ROBO2: variants seen among roughly 807,000 people sequenced by gnomAD.
ROBO2 encodes roundabout homolog 2.
In ROBO2, 53 loss-of-function variants were observed where a neutral mutation model predicts 160.8. That is an observed-to-expected ratio of 0.33 (90% CI 0.26 to 0.41). The LOEUF is 0.41. ROBO2 is among the 10% of genes least tolerant of loss of function. The probability of loss-of-function intolerance (pLI) is 1.00; values close to 1 mark genes in which losing one functional copy is unlikely to be tolerated. For missense variants in ROBO2, 1,577 were observed against 1,722.4 expected (o/e 0.92, Z 1.49); for synonymous variants, 664 against 611.7 (o/e 1.09, Z -1.26).
Position 77,334,342 on chromosome 3 carries a change from C to T in ROBO2, c.389-143072C>T, listed in dbSNP as rs191527784. ...TGAATATCATCTTCAGTGACATCTTCGGTGTACCTGTCCTGGATTGCCTGT... is the reference window on the plus strand; with the variant it reads ...TGAATATCATCTTCAGTGACATCTTTGGTGTACCTGTCCTGGATTGCCTGT... On this transcript the variant is annotated intron_variant, in intron 2 of 25. Transcript: ENST00000461745. Among the ~76,000 whole-genome samples the T allele has an allele frequency of 2.1e-3, 317 of 152,306 alleles. 2 individuals are homozygous for T. The highest frequency in any genetic ancestry group is 6.9e-3 in the African/African-American group (288 of 41,578).
In ROBO2 at chr3:77,640,409, C is replaced by T. The variant is rs560658603; in HGVS notation, c.3935-4295C>T. Among the ~76,000 whole-genome samples the T allele has an allele frequency of 2.8e-3, 431 of 152,260 alleles. 4 individuals carry two copies. Among genetic ancestry groups the T allele is most frequent in the African/African-American group, 9.8e-3 (406 of 41,552 alleles). ...ATTTACAGGCGTGAGCCACTGCGCC[C>T]GGCCGCATATTTTATATAGGATGAT... On this transcript the variant is annotated intron_variant, in intron 24 of 25. Transcript: ENST00000461745.
chr3:76,584,334 C>CA (rs2085896126), intron 2 of ROBO2, among the ~76,000 whole-genome samples: 1 of 151,816 alleles, frequency 6.6e-6, no homozygotes, highest in Non-Finnish European at 1.5e-5. Context: ...GATTCCCCCC[C>CA]AGAATCATAT....
intron 2 of ROBO2, among the ~76,000 whole-genome samples, chr3:76,440,611 C>T (rs2076882994): frequency 2.0e-5 from 3 of 152,110 alleles, no homozygotes; most frequent in Admixed American, 2.0e-4. Context: ...CAGTGTAAAA[C>T]AATACCTCAC....
chr3:77,508,159 A>C (rs1239613943), intron 5 of ROBO2, among the ~76,000 whole-genome samples: 3 of 151,666 alleles, frequency 2.0e-5, no homozygotes, highest in Non-Finnish European at 4.4e-5. Flanking sequence ...AACTGCAGGG[A>C]GCTTCAATAA....
intron 2 of ROBO2, among the ~76,000 whole-genome samples, chr3:77,297,398 TA>T (rs2062242206): frequency 6.6e-6 from 1 of 152,150 alleles, no homozygotes; most frequent in Non-Finnish European, 1.5e-5. Context: ...AGACATGAAC[TA>T]GAGTCTCTTG....
At chr3:76,571,472 T>C (rs1257812587) in intron 2 of ROBO2, among the ~76,000 whole-genome samples, 1 of 152,110 alleles carries the variant, frequency 6.6e-6, no homozygotes, top group Non-Finnish European at 1.5e-5. Context: ...TATACCAAGA[T>C]ACTGAGAAAC....
At chr3:77,285,243 C>A (rs747995453) in intron 2 of ROBO2, among the ~76,000 whole-genome samples, 1 of 152,100 alleles carries the variant, frequency 6.6e-6, no homozygotes, top group Non-Finnish European at 1.5e-5. Context: ...TCTACGACTT[C>A]ATTGGCCAGA....
chr3:76,869,411 G>A (rs1360267130), intron 2 of ROBO2, among the ~76,000 whole-genome samples: 7 of 139,546 alleles, frequency 5.0e-5, no homozygotes, highest in African/African-American at 1.6e-4. Context: ...GTGCAGTGGC[G>A]CGATCTCGGC....
At chr3:77,337,107 A>G (rs957528908) in intron 2 of ROBO2, among the ~76,000 whole-genome samples, 3 of 152,224 alleles carry the variant, frequency 2.0e-5, no homozygotes. Flanking sequence ...TCTGTTAGGA[A>G]GAAATTAATT....
chr3:77,133,379 C>T (rs894849356), intron 2 of ROBO2, among the ~76,000 whole-genome samples: 4 of 152,126 alleles, frequency 2.6e-5, no homozygotes, highest in Non-Finnish European at 5.9e-5. Context: ...TGCATCATGC[C>T]TTTGTTAAAA....
chr3:76,854,059 T>TTTGTCTGC (rs2069749923), intron 2 of ROBO2, among the ~76,000 whole-genome samples: 1 of 86,668 alleles, frequency 1.2e-5, no homozygotes, highest in Non-Finnish European at 2.5e-5. Context: ...TCTCTCTCTC[T>TTTGTCTGC]CTCTCTCTTT....
chr3:76,378,309 T>A (rs1044994008), intron 2 of ROBO2, among the ~76,000 whole-genome samples: 2 of 152,178 alleles, frequency 1.3e-5, no homozygotes, highest in African/African-American at 4.8e-5. Flanking sequence ...TTATTTCAAA[T>A]GTTGTAGGAC....
At chr3:76,729,811 T>A (rs1052105673) in intron 2 of ROBO2, among the ~76,000 whole-genome samples, 1 of 152,032 alleles carries the variant, frequency 6.6e-6, no homozygotes, top group Non-Finnish European at 1.5e-5. Flanking sequence ...CTAATTTTTG[T>A]TTTTTTAGTA....
chr3:75,976,175 T>G (rs1439530001), intron 2 of ROBO2, among the ~76,000 whole-genome samples: 1 of 151,508 alleles, frequency 6.6e-6, no homozygotes, highest in Non-Finnish European at 1.5e-5. Context: ...TACCAAAAAT[T>G]TACATGTGAC....
At chr3:76,128,481 T>G (rs1474550334) in intron 2 of ROBO2, among the ~76,000 whole-genome samples, 1 of 152,152 alleles carries the variant, frequency 6.6e-6, no homozygotes, top group Non-Finnish European at 1.5e-5. Flanking sequence ...CAAAAGCTAC[T>G]TTGGGGAAAC....
chr3:76,553,849 G>C (rs1185328385), intron 2 of ROBO2, among the ~76,000 whole-genome samples: 2 of 152,112 alleles, frequency 1.3e-5, no homozygotes, highest in Middle Eastern at 3.2e-3. Flanking sequence ...TTGTGTATCA[G>C]CCCACCATAT....
intron 2 of ROBO2, among the ~76,000 whole-genome samples, chr3:76,405,443 C>T (rs2078073006): frequency 6.6e-6 from 1 of 151,610 alleles, no homozygotes; most frequent in South Asian, 2.1e-4. Flanking sequence ...AGTTAATTCC[C>T]TTGACATTGC....
chr3:77,594,167 C>T (rs1559685664), intron 17 of ROBO2, among the ~76,000 whole-genome samples: 1 of 152,084 alleles, frequency 6.6e-6, no homozygotes, highest in Non-Finnish European at 1.5e-5. Context: ...AGACTTTATC[C>T]TACTAATCAT....
chr3:77,399,107 A>G (rs1480150596), intron 2 of ROBO2, among the ~76,000 whole-genome samples: 1 of 152,178 alleles, frequency 6.6e-6, no homozygotes, highest in Non-Finnish European at 1.5e-5. Flanking sequence ...TTTTAAAAAT[A>G]TATTTTCCTT....
Sources: allele counts gnomAD v4.1 joint callset (sites outside exome capture counted in the v4.1 genomes callset), GRCh38; gene constraint gnomAD v4.1.1; transcripts MANE v1.5; gene names NCBI Gene and HGNC (gene_info 2026-07-23, HGNC 2026-07-21).